The following SBF2 variants were observed in gnomAD, a reference collection of about 807,000 sequenced individuals.
The protein encoded by SBF2 is SET binding factor 2, also known as myotubularin-related protein 13.
A neutral mutation model predicts 225.2 loss-of-function variants in SBF2; 112 were observed. The observed-to-expected ratio is 0.50, with a 90% CI of 0.43 to 0.58. The LOEUF (loss-of-function observed/expected upper bound fraction) is 0.58, where lower values mean the gene tolerates loss of function less well. Among genes scored for constraint, SBF2 ranks in the 20% least tolerant of loss-of-function variants. The pLI is 0.00. For synonymous variants in SBF2, 763 were observed against 773.3 expected, an observed-to-expected ratio of 0.99 and a Z score of 0.22; for missense variants, 1,996 against 2,206.2, an observed-to-expected ratio of 0.90 and a Z score of 1.91.
At chr11:10,194,839 T>G (rs1040290328) in intron 1 of SBF2, among the ~76,000 whole-genome samples, 1 of 151,784 alleles carries the variant, frequency 6.6e-6, no homozygotes, top group South Asian at 2.1e-4. Flanking sequence ...CTGATACGTA[T>G]GAAAAGCTAA....
chr11:10,049,580 C>G (rs1158475679), intron 2 of SBF2, among the ~76,000 whole-genome samples: 1 of 151,906 alleles, frequency 6.6e-6, no homozygotes, highest in Non-Finnish European at 1.5e-5. Flanking sequence ...GCACTCCAGC[C>G]TGGGCAACAA....
chr11:10,024,636 C>T (rs1159353914), intron 6 of SBF2, among the ~76,000 whole-genome samples: 3 of 152,118 alleles, frequency 2.0e-5, no homozygotes, highest in Non-Finnish European at 4.4e-5. Context: ...AGAGGCAACA[C>T]AGAAACAAGT....
At chr11:9,993,354 T>G (rs554560350) in intron 10 of SBF2, among the ~76,000 whole-genome samples, 14 of 152,040 alleles carry the variant, frequency 9.2e-5, no homozygotes, top group Admixed American at 8.5e-4. Context: ...ACTTAATTGA[T>G]CAGGAAATGA....
rs186671291 is a variant in SBF2 at position 10,172,205 on chromosome 11, T to C, written c.141+21697A>G. The stretch of plus-strand genomic sequence containing the variant: ...TTTGGTTTGCTCTTGCCTTTCTAGT[T>C]CTTTAAGATGCATCATTAGGTTGTT... On this transcript the variant is annotated intron_variant, in intron 2 of 39. Coordinates refer to ENST00000256190, the MANE Select transcript of SBF2 (RefSeq NM_030962.4). Among the ~76,000 whole-genome samples, 9 of 152,258 alleles carry C rather than the reference T, an allele frequency of 5.9e-5. No homozygotes were observed. In the East Asian group the frequency reaches 1.5e-3, roughly 26 times the overall value.
chr11:9,972,933 T>C (rs918585028), intron 13 of SBF2, among the ~76,000 whole-genome samples: 7 of 152,246 alleles, frequency 4.6e-5, no homozygotes, highest in Non-Finnish European at 8.8e-5. Flanking sequence ...TGTAGTTATA[T>C]AGATATTCTA....
chr11:10,278,914 A>T (rs1490963378), intron 1 of SBF2, among the ~76,000 whole-genome samples: 1 of 152,012 alleles, frequency 6.6e-6, no homozygotes, highest in African/African-American at 2.4e-5. Flanking sequence ...TAATATACAA[A>T]TTAACCTACA....
chr11:10,210,916 G>A (rs747527885), intron 1 of SBF2, among the ~76,000 whole-genome samples: 1 of 147,058 alleles, frequency 6.8e-6, no homozygotes, highest in Non-Finnish European at 1.5e-5. Context: ...GGGAGGCTAA[G>A]GCAGGAGAAT....
rs753626252 is a variant in SBF2 at position 9,829,416 on chromosome 11, G to A, written c.3733C>T (p.His1245Tyr). The A allele has an allele frequency of 5.0e-6, 8 of 1,613,066 alleles. No homozygotes were observed. The Admixed American group carries it at 1.0e-4, about 20-fold the overall frequency. The change falls in exon 28 of 40, where the codon CAT (histidine) becomes TAT (tyrosine). Residue 1245 changes from histidine to tyrosine, a missense_variant. Physicochemically the swap from His to Tyr is moderately conservative, Grantham distance 83. Coordinates refer to ENST00000256190, the MANE Select transcript of SBF2 (RefSeq NM_030962.4). ...LQALLNAVSV[H>Y]QKLRGNSTLT... ...GTGCTGTTGCCTCTGAGTTTCTGAT[G>A]GACAGAAACAGCATTCAGTAAGGCT...
At chr11:9,842,203 T>C (rs926141749) in intron 25 of SBF2, among the ~76,000 whole-genome samples, 1 of 152,100 alleles carries the variant, frequency 6.6e-6, no homozygotes, top group Non-Finnish European at 1.5e-5. Flanking sequence ...TCATCTTAGG[T>C]CCCCCATTTT....
intron 13 of SBF2, among the ~76,000 whole-genome samples, chr11:9,973,215 A>G (rs1356353304): frequency 3.9e-5 from 6 of 152,202 alleles, no homozygotes; most frequent in African/African-American, 9.7e-5. Flanking sequence ...ATATACTTAA[A>G]AACATCTGCT....
rs1424111520 is a variant in SBF2, at chr11:9,795,505, G to A, written c.4570+326C>T. On this transcript the variant is annotated intron_variant, in intron 33 of 39. Coordinates refer to ENST00000256190, the MANE Select transcript of SBF2 (RefSeq NM_030962.4). ...TTAGCTGTATTCAAGCTGCCTCCAA[G>A]GGCAGGCACCCTTCCTACCAGAGTG... Among the ~76,000 whole-genome samples the A allele has an allele frequency of 2.0e-5, 3 of 152,268 alleles. No homozygotes were observed. The East Asian group carries it at 5.8e-4, about 29-fold the overall frequency.
At chr11:10,130,792 T>C (rs929466895) in intron 2 of SBF2, among the ~76,000 whole-genome samples, 2 of 152,220 alleles carry the variant, frequency 1.3e-5, no homozygotes, top group Non-Finnish European at 2.9e-5. Flanking sequence ...TCGTACAGTA[T>C]GTGTCTTTTT....
Position 10,028,394 on chromosome 11 carries a change from A to G in SBF2, c.619+58T>C, listed in dbSNP as rs1174733140. The G allele has an allele frequency of 4.6e-6, 5 of 1,091,814 alleles. No homozygotes were observed. The African/African-American group carries it at 6.2e-5, about 13-fold the overall frequency. The allele number at this position is 1,091,814 out of a possible 1,614,324, so 67.6% of individuals were successfully genotyped here. On this transcript the variant is annotated intron_variant, in intron 6 of 39. Coordinates refer to ENST00000256190, the MANE Select transcript of SBF2 (RefSeq NM_030962.4). Reference sequence around the variant, plus strand: ...ATGTGAGGTGATGTCGACTTAAAATAAATCCTTTAATCATAGGCTTCTACA... The same window carrying G: ...ATGTGAGGTGATGTCGACTTAAAATGAATCCTTTAATCATAGGCTTCTACA...
At chr11:10,208,597 G>A (rs1029648131) in intron 1 of SBF2, among the ~76,000 whole-genome samples, 2 of 151,610 alleles carry the variant, frequency 1.3e-5, no homozygotes, top group African/African-American at 4.8e-5. Flanking sequence ...GGGACAGAAT[G>A]GAGAAAAAAA....
chr11:10,167,844 C>T (rs61889956), intron 2 of SBF2, among the ~76,000 whole-genome samples: 16,084 of 152,106 alleles, frequency 0.11, 1,008 homozygotes, highest in Non-Finnish European at 0.11. Flanking sequence ...ATGGTGAAAC[C>T]CCATCTCTAC....
chr11:9,802,435 CTT>C (rs931569023), intron 32 of SBF2, among the ~76,000 whole-genome samples: 3 of 152,194 alleles, frequency 2.0e-5, no homozygotes, highest in African/African-American at 7.2e-5. Flanking sequence ...TTTCTTGTAA[CTT>C]TATTAGTACT....
rs143907511 is a variant in SBF2, at chr11:10,208,296, C to G, written c.56-14309G>C. The stretch of plus-strand genomic sequence containing the variant: ...GCTGATCTGAAAAGCAGACCAAAAT[C>G]TCCTCCAGATAGATTATGTTGTTAG... On this transcript the variant is annotated intron_variant, in intron 1 of 39. Transcript: ENST00000256190. 1.9e-3 allele frequency among the ~76,000 whole-genome samples: 284 copies of G among 152,222 alleles called. 2 individuals carry two copies. The highest frequency in any genetic ancestry group is 6.3e-3 in the African/African-American group (262 of 41,554).
chr11:10,206,730 G>C (rs762969451), intron 1 of SBF2, among the ~76,000 whole-genome samples: 1 of 152,056 alleles, frequency 6.6e-6, no homozygotes, highest in Non-Finnish European at 1.5e-5. Flanking sequence ...CAATAGTAGA[G>C]TGAAAATGGC....
At chr11:10,095,480 G>C (rs994542650) in intron 2 of SBF2, among the ~76,000 whole-genome samples, 1 of 152,032 alleles carries the variant, frequency 6.6e-6, no homozygotes, top group Non-Finnish European at 1.5e-5. Flanking sequence ...ACTTTCAACA[G>C]CCAACTATGA....
Sources: gnomAD v4.1 joint callset for allele counts (sites outside exome capture counted in the v4.1 genomes callset) on GRCh38, gnomAD v4.1.1 for gene constraint, MANE v1.5 for transcripts, NCBI Gene and HGNC (gene_info 2026-07-23, HGNC 2026-07-21) for gene names.